Variants in ESYT2 observed in about 807,000 individuals in gnomAD.
ESYT2 encodes extended synaptotagmin 2.
ESYT2 carries 54 observed loss-of-function variants against 107.2 expected under a neutral mutation model. The observed-to-expected ratio is 0.50, with a 90% CI of 0.40 to 0.63. The LOEUF (loss-of-function observed/expected upper bound fraction) is 0.63, where lower values mean the gene tolerates loss of function less well. Ranked by LOEUF, ESYT2 falls within the 30% of genes least tolerant of loss-of-function variation. The pLI is 0.00. For missense variants in ESYT2, 1,020 were observed against 1,094.5 expected, an observed-to-expected ratio of 0.93 and a Z score of 0.96; for synonymous variants, 491 against 434.1, an observed-to-expected ratio of 1.13 and a Z score of -1.63.
intron 4 of ESYT2, among the ~76,000 whole-genome samples, chr7:158,790,999 T>C (rs1215322116): frequency 1.3e-5 from 2 of 152,166 alleles, no homozygotes; most frequent in African/African-American, 4.8e-5. Flanking sequence ...TACAACTCAG[T>C]GGTACTAAAC....
chr7:158,807,245 C>G (rs191637921), intron 1 of ESYT2, among the ~76,000 whole-genome samples: 2 of 95,642 alleles, frequency 2.1e-5, no homozygotes, highest in Admixed American at 1.5e-4. Context: ...AGCAAGACTC[C>G]GTCTGAAGGA....
At chr7:158,739,804 G>A (rs1010775538) in intron 18 of ESYT2, among the ~76,000 whole-genome samples, 3 of 151,890 alleles carry the variant, frequency 2.0e-5, no homozygotes, top group African/African-American at 7.3e-5. Flanking sequence ...CCCCCCCTTC[G>A]CAGTTCAGAT....
At chr7:158,771,371 C>T (rs137881467) in intron 7 of ESYT2, among the ~76,000 whole-genome samples, 1 of 152,340 alleles carries the variant, frequency 6.6e-6, no homozygotes, top group African/African-American at 2.4e-5. Context: ...CCCCCTATTT[C>T]TAGAGAAAGT....
chr7:158,829,342 C>G lies in ESYT2; in HGVS notation c.77G>C (p.Gly26Ala), dbSNP rs1584897823. 6.9e-7 allele frequency: 1 copy of G among 1,441,076 alleles called. No individual in the cohort carries two copies. The highest frequency in any genetic ancestry group is 3.1e-5 in the East Asian group (1 of 32,704). The allele number at this position is 1,441,076 out of a possible 1,614,324, so 89.3% of individuals were successfully genotyped here. Reference protein sequence around the residue: ...AGGRAAPENPGGVLSVELPGL... With the variant: ...AGGRAAPENPAGVLSVELPGL... ...GGGCAGCTCCACGCTCAGCACGCCCCCGGGGTTCTCAGGCGCCGCGCGGCC... is the reference window on the plus strand; with the variant it reads ...GGGCAGCTCCACGCTCAGCACGCCCGCGGGGTTCTCAGGCGCCGCGCGGCC... Residue 26 changes from glycine (G) to alanine (A), a missense_variant, in exon 1 of 23, where the codon GGG becomes GCG. Transcript: ENST00000275418.
At position 158,743,550 on chromosome 7, in the gene ESYT2, G is replaced by A. The variant is rs761497282; in HGVS notation, c.1773C>T (p.Ile591=). The part of the protein sequence containing the change: ...QLSNSGPNST[I]KMKIALRVLH... The stretch of plus-strand genomic sequence containing the variant: ...ATACCCGCAGGGCAATCTTCATCTT[G>A]ATGGTGCTGTTTGGACCCGAGTTAC... The change falls in exon 17 of 23, where the codon ATC becomes ATT. Residue 591 remains isoleucine (I), a synonymous_variant. Coordinates refer to ENST00000275418, the MANE Select transcript of ESYT2 (RefSeq NM_001367773.1). The A allele has an allele frequency of 6.2e-7, 1 of 1,612,224 alleles. No individual in the cohort carries two copies. The highest frequency in any genetic ancestry group is 1.1e-5 in the South Asian group (1 of 90,808).
At chr7:158,789,819 A>G (rs1357021565) in intron 4 of ESYT2, among the ~76,000 whole-genome samples, 1 of 152,214 alleles carries the variant, frequency 6.6e-6, no homozygotes, top group Admixed American at 6.5e-5. Context: ...ACGGCAGCTA[A>G]CCATGAAACC....
In ESYT2 at chr7:158,828,938, G is replaced by A. The variant is rs1584897113; in HGVS notation, c.330+151C>T. The A allele has an allele frequency of 1.1e-5, 14 of 1,313,516 alleles. No homozygotes were observed. In the South Asian group the frequency reaches 1.9e-4, roughly 17 times the overall value. The allele number at this position is 1,313,516 out of a possible 1,614,324, so 81.4% of individuals were successfully genotyped here. On this transcript the variant is annotated intron_variant, in intron 1 of 22. Coordinates refer to ENST00000275418, the MANE Select transcript of ESYT2 (RefSeq NM_001367773.1). ...AAGGGAAGCGCCTGCCTGGACCGGG[G>A]TGGGTGGGGGACTACGAAGGCGGGA... is the stretch of plus-strand genomic sequence containing the variant.
chr7:158,792,160 CTTT>C (rs113589859), intron 4 of ESYT2, among the ~76,000 whole-genome samples: 16 of 123,350 alleles, frequency 1.3e-4, no homozygotes, highest in Non-Finnish European at 1.7e-4. Flanking sequence ...TCCACGAGTT[CTTT>C]TTTTTTTTTT....
intron 20 of ESYT2, 74 bp from the exon 21 acceptor site, chr7:158,735,682 T>C (rs1202374229): frequency 1.2e-5 from 15 of 1,223,742 alleles, no homozygotes; most frequent in Admixed American, 1.8e-5. Flanking sequence ...ATGGCATTTC[T>C]GCTCATGAGA....
intron 4 of ESYT2, among the ~76,000 whole-genome samples, chr7:158,792,364 A>AC (rs1423521658): frequency 6.6e-6 from 1 of 151,208 alleles, no homozygotes; most frequent in Admixed American, 6.6e-5. Context: ...TCTCTACAAA[A>AC]AAAAAATAAA....
Position 158,731,127 on chromosome 7 carries a change from G to A in ESYT2, c.*3080C>T, listed in dbSNP as rs1836733090. The A allele has an allele frequency of 6.6e-6, 1 of 152,122 alleles. No homozygotes were observed. Among genetic ancestry groups the A allele is most frequent in the South Asian group, 2.1e-4 (1 of 4,826 alleles). 9.4% of individuals were successfully genotyped at this position (152,122 alleles called of 1,614,324 possible). On this transcript the variant is annotated 3_prime_UTR_variant, in exon 23 of 23. Transcript: ENST00000275418. ...TTCTCTATTTGCAGTGGGGGGTCCA[G>A]CTGGAGGTGGAATAAATGCGGCAAC...
chr7:158,734,092 T>C lies in ESYT2; in HGVS notation c.*115A>G, dbSNP rs1836832763. 1 of 1,227,106 alleles carries C rather than the reference T, an allele frequency of 8.1e-7. No homozygotes were observed. Among genetic ancestry groups the C allele is most frequent in the African/African-American group, 1.5e-5 (1 of 65,098 alleles). 76.0% of individuals were successfully genotyped at this position (1,227,106 alleles called of 1,614,324 possible). On this transcript the variant is annotated 3_prime_UTR_variant, in exon 23 of 23. Coordinates refer to ENST00000275418, the MANE Select transcript of ESYT2 (RefSeq NM_001367773.1). ...CAACAATTTTATAAAACTATTAAGG[T>C]ATGTATAACTAAATCCATGAAATTA...
intron 13 of ESYT2, among the ~76,000 whole-genome samples, chr7:158,756,384 T>C (rs1837755957): frequency 6.6e-6 from 1 of 152,162 alleles, no homozygotes; most frequent in African/African-American, 2.4e-5. Flanking sequence ...CGCTCAATTA[T>C]CCACTCCAGG....
At chr7:158,737,976 T>C (rs1013377132) in intron 19 of ESYT2, among the ~76,000 whole-genome samples, 1 of 152,136 alleles carries the variant, frequency 6.6e-6, no homozygotes, top group African/African-American at 2.4e-5. Context: ...AATAAATTCT[T>C]CCTGATTAGG....
chr7:158,808,306 GAGCCCCGTCCGGCACGTT>G (rs1839893734), intron 1 of ESYT2, among the ~76,000 whole-genome samples: 1 of 152,196 alleles, frequency 6.6e-6, no homozygotes, highest in African/African-American at 2.4e-5. Flanking sequence ...CTCGAGACAC[GAGCCCCGTCCGGCACGTT>G]CGCGCCGAGC....
chr7:158,782,365 CGA>C (rs1395478637), intron 6 of ESYT2, among the ~76,000 whole-genome samples: 37 of 122,694 alleles, frequency 3.0e-4, no homozygotes, highest in Admixed American at 4.3e-4. Flanking sequence ...CGTGAGTGAA[CGA>C]GTGTGAGAAC....
chr7:158,760,066 G>A lies in ESYT2; in HGVS notation c.1315C>T (p.Leu439Phe). The A allele has an allele frequency of 6.2e-7, 1 of 1,614,174 alleles. No individual in the cohort carries two copies. The highest frequency in any genetic ancestry group is 8.5e-7 in the Non-Finnish European group (1 of 1,180,022). The change falls in exon 12 of 23, where the codon CTC (leucine) becomes TTC (phenylalanine). Residue 439 changes from leucine (L) to phenylalanine (F), a missense_variant. Physicochemically the swap from Leu to Phe is conservative, Grantham distance 22. Coordinates refer to ENST00000275418, the MANE Select transcript of ESYT2 (RefSeq NM_001367773.1). ...WLTLMPNASN[L>F]DKVLTDIKAD... ...ACATGCTTCAACAGCACCTTGTCGA[G>A]GTTTGACGCATTTGGCATTAACGTG...
intron 6 of ESYT2, among the ~76,000 whole-genome samples, chr7:158,781,517 A>T (rs992968606): frequency 1.3e-5 from 2 of 151,824 alleles, no homozygotes; most frequent in Admixed American, 1.3e-4. Flanking sequence ...GTGAGAACAA[A>T]GTGTGAGAGG....
intron 3 of ESYT2, among the ~76,000 whole-genome samples, chr7:158,796,185 A>C (rs915808317): frequency 2.0e-5 from 3 of 152,200 alleles, no homozygotes; most frequent in African/African-American, 7.2e-5. Context: ...GTGTGTGTTT[A>C]CAAGAACTAT....
Sources: allele counts gnomAD v4.1 joint callset (sites outside exome capture counted in the v4.1 genomes callset), GRCh38; gene constraint gnomAD v4.1.1; transcripts MANE v1.5; gene names NCBI Gene and HGNC (gene_info 2026-07-23, HGNC 2026-07-21).